The following CBY1 variants were observed in gnomAD, a reference collection of about 807,000 sequenced individuals.
The protein encoded by CBY1 is protein chibby homolog 1.
Under a neutral mutation model 15.6 loss-of-function variants are expected in CBY1, and 10 were observed. The observed-to-expected ratio is 0.64, with a 90% confidence interval of 0.40 to 1.09. The LOEUF is 1.09. Ranked by LOEUF, CBY1 falls within the 50% of genes least tolerant of loss-of-function variation. The pLI is 0.01. For missense variants in CBY1, 150 were observed against 160.5 expected (o/e 0.93, Z 0.35); for synonymous variants, 61 against 63.5 (o/e 0.96, Z 0.19).
intron 1 of CBY1, among the ~76,000 whole-genome samples, chr22:38,665,295 C>G (rs2092432858): frequency 6.6e-6 from 1 of 152,076 alleles, no homozygotes; most frequent in Non-Finnish European, 1.5e-5. Flanking sequence ...AAACTCCCAT[C>G]TCTATTAAAA....
In CBY1 at chr22:38,668,008, T is replaced by C. The variant is rs765608518; in HGVS notation, c.-38-9T>C. 6.4e-7 allele frequency: 1 copy of C among 1,569,946 alleles called. No individual in the cohort carries two copies. Among genetic ancestry groups the C allele is most frequent in the Admixed American group, 1.7e-5 (1 of 59,342 alleles). The stretch of plus-strand genomic sequence containing the variant: ...AGCTGCTTGTACCCCTGACTTTTTC[T>C]GACCCTAGGAGAAGGGAGCACTGGC... On this transcript the variant is annotated splice_polypyrimidine_tract_variant and intron_variant, in intron 1 of 4. Transcript: ENST00000216029.
In CBY1 at chr22:38,673,352, C is replaced by T; in HGVS notation, c.*116C>T. 1.5e-6 allele frequency: 1 copy of T among 662,928 alleles called. No individual in the cohort carries two copies. The highest frequency in any genetic ancestry group is 1.7e-5 in the South Asian group (1 of 59,706). 41.1% of individuals were successfully genotyped at this position (662,928 alleles called of 1,614,324 possible). A position where few individuals can be genotyped will look rare whatever the true frequency, so the allele number is the denominator to read the frequency against. Reference sequence around the variant, plus strand: ...ATATAATGAGACCCACAGGCACTGGCACCCTTGGGTTGGCAATAGAAGGTG... The same window carrying T: ...ATATAATGAGACCCACAGGCACTGGTACCCTTGGGTTGGCAATAGAAGGTG... On this transcript the variant is annotated 3_prime_UTR_variant, in exon 5 of 5. Coordinates refer to ENST00000216029, the MANE Select transcript of CBY1 (RefSeq NM_015373.4).
chr22:38,668,869 C>G (rs762426801), intron 2 of CBY1: 1 of 152,500 alleles, frequency 6.6e-6, no homozygotes, highest in Non-Finnish European at 1.5e-5. Flanking sequence ...GGCAGCCCCA[C>G]TGTGGCCAGA....
At chr22:38,672,991 T>G (rs1477057035) in intron 4 of CBY1, among the ~76,000 whole-genome samples, 168 bp from the exon 5 acceptor site, 1 of 152,088 alleles carries the variant, frequency 6.6e-6, no homozygotes, top group Non-Finnish European at 1.5e-5. Flanking sequence ...TGGTCCTGGG[T>G]CATCAGGGGT....
intron 1 of CBY1, among the ~76,000 whole-genome samples, chr22:38,663,072 A>T (rs1330474612): frequency 6.6e-6 from 1 of 152,094 alleles, no homozygotes; most frequent in Admixed American, 6.6e-5. Context: ...GTCAGCTGAG[A>T]TCACATCACT....
At chr22:38,665,540 C>T in intron 1 of CBY1, 1 of 404,034 alleles carries the variant, frequency 2.5e-6, no homozygotes, top group South Asian at 1.3e-4. Flanking sequence ...TGTGTTTATA[C>T]AATAGAATAT....
chr22:38,668,251 A>G (rs1358094005), intron 2 of CBY1, 119 bp downstream of exon 2: 5 of 638,810 alleles, frequency 7.8e-6, no homozygotes, highest in Non-Finnish European at 1.4e-5. Flanking sequence ...CTTTCCGTCC[A>G]TATCATTGCT....
At chr22:38,659,000 A>G (rs913062842) in intron 1 of CBY1, among the ~76,000 whole-genome samples, 1 of 151,978 alleles carries the variant, frequency 6.6e-6, no homozygotes, top group African/African-American at 2.4e-5. Flanking sequence ...CAGTGGCGCA[A>G]TTTCTGCTCA....
In CBY1 at chr22:38,661,312, T is replaced by C. The variant is rs529332992; in HGVS notation, c.-39+4562T>C. On this transcript the variant is annotated intron_variant, in intron 1 of 4. Transcript: ENST00000216029. ...CCTCAGCCTCCCAGGCAGTTGGGAT[T>C]ACAGGTGAGCACCACCACTCCCGGC... is the stretch of plus-strand genomic sequence containing the variant. 2.6e-5 allele frequency among the ~76,000 whole-genome samples: 4 copies of C among 152,340 alleles called. No homozygotes were observed. The East Asian group carries it at 7.7e-4, about 29-fold the overall frequency.
Position 38,670,973 on chromosome 22 carries a change from T to C in CBY1, c.168T>C (p.Asn56=), listed in dbSNP as rs1280526693. The C allele has an allele frequency of 5.0e-6, 8 of 1,613,950 alleles. No homozygotes were observed. The highest frequency in any genetic ancestry group is 5.1e-6 in the Non-Finnish European group (6 of 1,179,950). The change falls in exon 3 of 5, where the codon AAT becomes AAC. Residue 56 remains asparagine, a synonymous_variant. Transcript: ENST00000216029. ...NLAGQSLKFE[N]GQWIAETGVS... Reference sequence around the variant, plus strand: ...CAGGGCAAAGCCTGAAGTTTGAAAATGGCCAGTGGATAGCAGGTGAGCTGC... The same window carrying C: ...CAGGGCAAAGCCTGAAGTTTGAAAACGGCCAGTGGATAGCAGGTGAGCTGC...
chr22:38,671,700 G>A (rs1433611975), intron 4 of CBY1: 2 of 159,474 alleles, frequency 1.3e-5, no homozygotes, highest in Non-Finnish European at 2.8e-5. Context: ...AGAGGAGCCT[G>A]TGAAGGTTCA....
chr22:38,667,269 C>T (rs900098893), intron 1 of CBY1, among the ~76,000 whole-genome samples: 28 of 152,184 alleles, frequency 1.8e-4, no homozygotes, highest in African/African-American at 6.8e-4. Flanking sequence ...CCTCAGCCTC[C>T]TGAGTCACTG....
intron 2 of CBY1, 184 bp from the exon 3 acceptor site, chr22:38,670,700 T>A (rs2092449952): frequency 1.7e-6 from 1 of 577,774 alleles, no homozygotes; most frequent in African/African-American, 1.9e-5. Flanking sequence ...ACAGTATATT[T>A]TTTATCTCAC....
chr22:38,658,175 G>GA lies in CBY1; in HGVS notation c.-39+1428dup, dbSNP rs201735945. ...GGGTCTTGTTCTGTCACCCAGGCTA[G>GA]AAAGCAGTGGTGCAATTTCAGCTCA... is the stretch of plus-strand genomic sequence containing the variant. On this transcript the variant is annotated intron_variant, in intron 1 of 4. Coordinates refer to ENST00000216029, the MANE Select transcript of CBY1 (RefSeq NM_015373.4). 8.8e-3 allele frequency among the ~76,000 whole-genome samples: 1,331 copies of GA among 151,692 alleles called. 4 individuals carry two copies. The highest frequency in any genetic ancestry group is 0.012 in the Non-Finnish European group (798 of 67,942).
intron 2 of CBY1, chr22:38,668,862 A>G (rs1224666648): frequency 1.3e-5 from 2 of 152,574 alleles, no homozygotes; most frequent in East Asian, 3.8e-4. Context: ...TGGTGGGGGC[A>G]GCCCCACTGT....
chr22:38,659,245 T>G (rs1379934826), intron 1 of CBY1, among the ~76,000 whole-genome samples: 1 of 149,992 alleles, frequency 6.7e-6, no homozygotes, highest in Non-Finnish European at 1.5e-5. Context: ...CTACAATTGG[T>G]TTTTTTTGTT....
chr22:38,659,180 C>T (rs1419501469), intron 1 of CBY1, among the ~76,000 whole-genome samples: 1 of 152,062 alleles, frequency 6.6e-6, no homozygotes, highest in Non-Finnish European at 1.5e-5. Context: ...AAGTGATCTG[C>T]CTGCCTTGGC....
At chr22:38,658,468 TA>T (rs2092411140) in intron 1 of CBY1, among the ~76,000 whole-genome samples, 1 of 132,458 alleles carries the variant, frequency 7.5e-6, no homozygotes. Context: ...TATTTTATTT[TA>T]TTTTTTTTTG....
intron 4 of CBY1, chr22:38,671,447 TTC>T (rs2092452359): frequency 1.2e-5 from 5 of 429,932 alleles, no homozygotes; most frequent in East Asian, 8.6e-5. Context: ...GAGAAGTTAT[TTC>T]TGTCAAGTCG....
Sources: gnomAD v4.1 joint callset for allele counts (sites outside exome capture counted in the v4.1 genomes callset) on GRCh38, gnomAD v4.1.1 for gene constraint, MANE v1.5 for transcripts, NCBI Gene and HGNC (gene_info 2026-07-23, HGNC 2026-07-21) for gene names.